Variants in BNC2 observed in about 807,000 individuals in gnomAD.
BNC2 encodes basonuclin zinc finger protein 2, also known as zinc finger protein basonuclin-2.
A neutral mutation model predicts 76.3 loss-of-function variants in BNC2; 20 were observed. That is an observed-to-expected ratio of 0.26 (90% confidence interval 0.18 to 0.38). The LOEUF (loss-of-function observed/expected upper bound fraction) is 0.38, where lower values mean the gene tolerates loss of function less well. BNC2 is among the 10% of genes least tolerant of loss of function. BNC2 has a pLI of 1.00. For missense variants in BNC2, 1,382 were observed against 1,399.8 expected (o/e 0.99, Z 0.20); for synonymous variants, 582 against 514.8 (o/e 1.13, Z -1.77).
chr9:16,806,931 CAGTGCAG>C (rs1475796545), intron 1 of BNC2, among the ~76,000 whole-genome samples: 1 of 152,166 alleles, frequency 6.6e-6, no homozygotes, highest in African/African-American at 2.4e-5. Flanking sequence ...CTGTCTTTGT[CAGTGCAG>C]CACTCACTAG....
chr9:16,677,998 C>T (rs1346411123), intron 3 of BNC2, among the ~76,000 whole-genome samples: 3 of 151,920 alleles, frequency 2.0e-5, no homozygotes, highest in Non-Finnish European at 4.4e-5. Flanking sequence ...AATGGAATTG[C>T]AGTTCACTTT....
chr9:16,597,326 A>G (rs1279133155), intron 3 of BNC2, among the ~76,000 whole-genome samples: 9 of 152,172 alleles, frequency 5.9e-5, no homozygotes, highest in Non-Finnish European at 7.4e-5. Context: ...CGCTGCCTAA[A>G]TTTAAACACA....
chr9:16,539,764 GAAAA>G (rs1218203853), intron 5 of BNC2, among the ~76,000 whole-genome samples: 5 of 85,540 alleles, frequency 5.8e-5, no homozygotes, highest in African/African-American at 3.2e-4. Flanking sequence ...GAAAGGAAAG[GAAAA>G]GAAAGGAAAG....
At chr9:16,832,295 T>C (rs747945847) in intron 1 of BNC2, 7 of 1,281,658 alleles carry the variant, frequency 5.5e-6, no homozygotes, top group South Asian at 2.5e-5. Flanking sequence ...TCATGTGTCA[T>C]GTTATCAAGG....
rs548575000 is a variant in BNC2, at chr9:16,616,790, G to GGGAAGGAAGGAAGGAA, written c.331-33721_331-33706dup. On this transcript the variant is annotated intron_variant, in intron 3 of 6. Coordinates refer to ENST00000380672, the MANE Select transcript of BNC2 (RefSeq NM_017637.6). The stretch of plus-strand genomic sequence containing the variant: ...GGATGGGAGGGGAGGGGAGGAAGGA[G>GGGAAGGAAGGAAGGAA]GGAAGGAAGGAAGGAAGGAAGGAAG... Among the ~76,000 whole-genome samples the GGGAAGGAAGGAAGGAA allele has an allele frequency of 1.2e-3, 12 of 10,380 alleles. No homozygotes were observed. In the East Asian group the frequency reaches 0.016, roughly 14 times the overall value. 6.8% of individuals were successfully genotyped at this position (10,380 alleles called of 152,430 possible). A position where few individuals can be genotyped will look rare whatever the true frequency, so the allele number is the denominator to read the frequency against.
chr9:16,501,829 T>C (rs1301474297), intron 5 of BNC2, among the ~76,000 whole-genome samples: 1 of 152,210 alleles, frequency 6.6e-6, no homozygotes, highest in East Asian at 1.9e-4. Flanking sequence ...TATGTTACCC[T>C]GACCTCTGGT....
In BNC2 at chr9:16,552,572, A is replaced by G. The variant is rs768522544; in HGVS notation, c.627T>C (p.Leu209=). The G allele has an allele frequency of 2.0e-4, 315 of 1,614,100 alleles. No individual in the cohort carries two copies. The highest frequency in any genetic ancestry group is 2.6e-4 in the Non-Finnish European group (303 of 1,180,040). ...GGACATAGTCCCGCAGAGTCCAGCC[A>G]AGGCCGTGCAGTATGTGCAGTACCT... ...QEEVLHILHG[L]GWTLRDYVRG... is the part of the protein sequence containing the mutation. The change falls in exon 5 of 7, where the codon CTT becomes CTC. Residue 209 remains leucine (L), a synonymous_variant. Coordinates refer to ENST00000380672, the MANE Select transcript of BNC2 (RefSeq NM_017637.6).
chr9:16,476,394 T>A (rs1394325665), intron 5 of BNC2, among the ~76,000 whole-genome samples: 2 of 152,080 alleles, frequency 1.3e-5, no homozygotes, highest in Non-Finnish European at 2.9e-5. Context: ...CCGTGGCCAG[T>A]TCTTTCAGCA....
At chr9:16,687,814 A>G (rs1563899027) in intron 3 of BNC2, among the ~76,000 whole-genome samples, 1 of 152,188 alleles carries the variant, frequency 6.6e-6, no homozygotes, top group Non-Finnish European at 1.5e-5. Context: ...AACATTCTCA[A>G]GAGGGAAGGA....
chr9:16,476,567 T>TA (rs1563801429), intron 5 of BNC2, among the ~76,000 whole-genome samples: 26 of 147,392 alleles, frequency 1.8e-4, no homozygotes, highest in Admixed American at 8.1e-4. Context: ...GTTGTTTTTT[T>TA]TAAAAAAAAA....
intron 3 of BNC2, among the ~76,000 whole-genome samples, chr9:16,687,851 C>G (rs532007580): frequency 6.6e-6 from 1 of 152,188 alleles, no homozygotes; most frequent in South Asian, 2.1e-4. Context: ...AAATTACATG[C>G]AATTACAACT....
In BNC2 at chr9:16,496,033, C is replaced by A. The variant is rs1055398156; in HGVS notation, c.669+56497G>T. 6.6e-5 allele frequency among the ~76,000 whole-genome samples: 10 copies of A among 151,628 alleles called. No individual in the cohort carries two copies. In the South Asian group the frequency reaches 1.7e-3, roughly 25 times the overall value. On this transcript the variant is annotated intron_variant, in intron 5 of 6. Coordinates refer to ENST00000380672, the MANE Select transcript of BNC2 (RefSeq NM_017637.6). ...AAGTGATTCTCCTGCCTCAGCCTCT[C>A]AAGTAGCTGGGATTACAGGTGCCCA...
At chr9:16,731,328 T>C (rs1050514073) in intron 2 of BNC2, among the ~76,000 whole-genome samples, 2 of 152,242 alleles carry the variant, frequency 1.3e-5, no homozygotes, top group South Asian at 2.1e-4. Context: ...AAAGGCCATC[T>C]GTTGGCTTTC....
chr9:16,794,961 T>A (rs551643940), intron 1 of BNC2, among the ~76,000 whole-genome samples: 2 of 151,852 alleles, frequency 1.3e-5, no homozygotes, highest in South Asian at 4.2e-4. Flanking sequence ...AAGTTCATGA[T>A]AAAGGAAAAT....
intron 1 of BNC2, among the ~76,000 whole-genome samples, chr9:16,862,857 G>T (rs1377184999): frequency 2.0e-5 from 3 of 151,458 alleles, no homozygotes; most frequent in African/African-American, 7.3e-5. Context: ...TCTGTGGGAA[G>T]GTCACCAGCC....
At chr9:16,851,281 G>A (rs1040151956) in intron 1 of BNC2, among the ~76,000 whole-genome samples, 6 of 152,238 alleles carry the variant, frequency 3.9e-5, no homozygotes, top group African/African-American at 1.4e-4. Flanking sequence ...GCCAAGGCAG[G>A]AGGATTGCTT....
chr9:16,473,690 T>C (rs1171840160), intron 5 of BNC2, among the ~76,000 whole-genome samples: 1 of 152,034 alleles, frequency 6.6e-6, no homozygotes, highest in South Asian at 2.1e-4. Flanking sequence ...CTGACCAATA[T>C]GGTGAAACTC....
chr9:16,577,596 TA>T (rs903907040), intron 4 of BNC2, among the ~76,000 whole-genome samples: 2 of 151,222 alleles, frequency 1.3e-5, no homozygotes, highest in South Asian at 2.1e-4. Flanking sequence ...TACTTTACAT[TA>T]AAAAAAAATC....
chr9:16,729,922 C>G (rs1399689262), intron 2 of BNC2, among the ~76,000 whole-genome samples: 1 of 152,124 alleles, frequency 6.6e-6, no homozygotes, highest in African/African-American at 2.4e-5. Context: ...CCTCCTTCCA[C>G]TCAGGCTCTG....
Sources: gnomAD v4.1 joint callset for allele counts (sites outside exome capture counted in the v4.1 genomes callset) on GRCh38, gnomAD v4.1.1 for gene constraint, MANE v1.5 for transcripts, NCBI Gene and HGNC (gene_info 2026-07-23, HGNC 2026-07-21) for gene names.